Variants in GLTP observed in about 807,000 individuals in gnomAD.
GLTP encodes glycolipid transfer protein.
GLTP carries 22 observed loss-of-function variants against 24.0 expected under a neutral mutation model. The observed-to-expected ratio is 0.92, with a 90% CI of 0.65 to 1.31. The LOEUF (loss-of-function observed/expected upper bound fraction) is 1.31, where lower values mean the gene tolerates loss of function less well. Among genes scored for constraint, GLTP ranks in the 50% most tolerant of loss-of-function variants. The pLI, the probability that GLTP is intolerant of heterozygous loss-of-function variation, is 0.00. For synonymous variants in GLTP, 92 were observed against 115.9 expected, an observed-to-expected ratio of 0.79 and a Z score of 1.33; for missense variants, 224 against 276.6, an observed-to-expected ratio of 0.81 and a Z score of 1.35.
chr12:109,855,826 A>T lies in GLTP; in HGVS notation c.297-57T>A. 7.2e-7 allele frequency: 1 copy of T among 1,394,758 alleles called. No homozygotes were observed. Among genetic ancestry groups the T allele is most frequent in the Non-Finnish European group, 9.5e-7 (1 of 1,048,852 alleles). 86.4% of individuals were successfully genotyped at this position (1,394,758 alleles called of 1,614,324 possible). A position where few individuals can be genotyped will look rare whatever the true frequency, so the allele number is the denominator to read the frequency against. ...ACCCTGCACAGCCCTGTCGTGAAAG[A>T]CCCTGATGGACTCTGAATTTGCCAC... is the stretch of plus-strand genomic sequence containing the variant. On this transcript the variant is annotated intron_variant, in intron 3 of 4. Coordinates refer to ENST00000318348, the MANE Select transcript of GLTP (RefSeq NM_016433.4). This position sits in a 1 kb window ranked among gnomAD's most constrained non-coding sequence, Gnocchi z 4.1.
chr12:109,857,605 T>C lies in GLTP; in HGVS notation c.217A>G (p.Ile73Val). 1.2e-6 allele frequency: 2 copies of C among 1,613,890 alleles called. No homozygotes were observed. The highest frequency in any genetic ancestry group is 2.2e-5 in the South Asian group (2 of 91,074). The part of the protein sequence containing the change: ...NPAKFRTLQN[I>V]LEVEKEMYGA... ...TACATTTCTTTCTCCACCTCCAGGA[T>C]GTTCTGCAGGGTCCGGAACTTGGCT... is the stretch of plus-strand genomic sequence containing the variant. Residue 73 changes from isoleucine to valine, a missense_variant, in exon 3 of 5, where the codon ATC becomes GTC. By Grantham distance (29) the Ile-to-Val change is conservative. Coordinates refer to ENST00000318348, the MANE Select transcript of GLTP (RefSeq NM_016433.4). The surrounding 1 kb of genome is among the most constrained non-coding windows in gnomAD (Gnocchi z 4.3).
Position 109,880,324 on chromosome 12 carries a change from C to T in GLTP, c.51G>A (p.Gln17=). 6.2e-7 allele frequency: 1 copy of T among 1,600,842 alleles called. No homozygotes were observed. The highest frequency in any genetic ancestry group is 8.5e-7 in the Non-Finnish European group (1 of 1,174,762). ...CCTCGAGGAAGGGCCCGGTCTCGAT[C>T]TGCTTGTCCGCGGGCAGCGGCTTCA... ...HLLKPLPADK[Q]IETGPFLEAV... The change falls in exon 1 of 5, where the codon CAG becomes CAA. Residue 17 remains glutamine, a synonymous_variant. Coordinates refer to ENST00000318348, the MANE Select transcript of GLTP (RefSeq NM_016433.4). The surrounding 1 kb of genome is among the most constrained non-coding windows in gnomAD (Gnocchi z 5.1).
intron 1 of GLTP, among the ~76,000 whole-genome samples, chr12:109,877,358 T>A (rs1187787862): frequency 6.6e-6 from 1 of 152,190 alleles, no homozygotes; most frequent in Admixed American, 6.5e-5. Flanking sequence ...TTTGCTCAGT[T>A]TTCCTCCAAT....
chr12:109,860,682 TTATAA>T (rs1892860793), intron 1 of GLTP, among the ~76,000 whole-genome samples: 2 of 152,110 alleles, frequency 1.3e-5, no homozygotes, highest in Admixed American at 6.6e-5. Context: ...TCTTGGTGGG[TTATAA>T]TATGTCGGAG....
At chr12:109,875,069 T>C (rs1337789196) in intron 1 of GLTP, among the ~76,000 whole-genome samples, 1 of 152,072 alleles carries the variant, frequency 6.6e-6, no homozygotes, top group Non-Finnish European at 1.5e-5. Flanking sequence ...GGCCTACTCA[T>C]CTATTTTAAT....
chr12:109,871,816 C>T (rs1241786858), intron 1 of GLTP, among the ~76,000 whole-genome samples: 1 of 152,194 alleles, frequency 6.6e-6, no homozygotes, highest in Non-Finnish European at 1.5e-5. Context: ...TTCCTTTTCA[C>T]GTGGATATAG....
Position 109,855,792 on chromosome 12 carries a change from T to G in GLTP, c.297-23A>C, listed in dbSNP as rs746000396. 1 of 1,561,812 alleles carries G rather than the reference T, an allele frequency of 6.4e-7. No individual in the cohort carries two copies. Among genetic ancestry groups the G allele is most frequent in the Non-Finnish European group, 8.7e-7 (1 of 1,155,258 alleles). The stretch of plus-strand genomic sequence containing the variant: ...CCTCTGTGGCCCAGGGAGGAGAAGG[T>G]TCGTTAGGACCCTGCACAGCCCTGT... On this transcript the variant is annotated intron_variant, in intron 3 of 4. Coordinates refer to ENST00000318348, the MANE Select transcript of GLTP (RefSeq NM_016433.4). The surrounding 1 kb of genome is among the most constrained non-coding windows in gnomAD (Gnocchi z 4.1).
intron 2 of GLTP, 99 bp downstream of exon 2, chr12:109,858,584 G>T: frequency 1.2e-6 from 1 of 851,312 alleles, no homozygotes; most frequent in Non-Finnish European, 2.0e-6. Flanking sequence ...CCTTCCTTGG[G>T]GTGGGAAGCT....
chr12:109,852,934 GAC>G (rs146472994), intron 4 of GLTP, among the ~76,000 whole-genome samples, 197 bp from the exon 5 acceptor site: 12,421 of 152,246 alleles, frequency 0.082, 532 homozygotes, highest in Middle Eastern at 0.13. Flanking sequence ...TTTCGGGACA[GAC>G]AAGCCTAGAT....
chr12:109,855,507 C>T lies in GLTP; in HGVS notation c.447+112G>A, dbSNP rs527953840. The T allele has an allele frequency of 4.2e-6, 4 of 954,112 alleles. No homozygotes were observed. In the South Asian group the frequency reaches 5.7e-5, roughly 14 times the overall value. The allele number at this position is 954,112 out of a possible 1,614,324, so 59.1% of individuals were successfully genotyped here. ...ATAGATGAGGGAGCCCTTCCTGAGC[C>T]CGAGGGGGTAAACACAGCCTCACAG... On this transcript the variant is annotated intron_variant, in intron 4 of 4. Coordinates refer to ENST00000318348, the MANE Select transcript of GLTP (RefSeq NM_016433.4). The surrounding 1 kb of genome is among the most constrained non-coding windows in gnomAD (Gnocchi z 4.1).
At chr12:109,861,362 GC>G (rs1868367808) in intron 1 of GLTP, among the ~76,000 whole-genome samples, 1 of 152,208 alleles carries the variant, frequency 6.6e-6, no homozygotes, top group African/African-American at 2.4e-5. Context: ...CCCCAGCCAA[GC>G]AAGTCTCCTC....
Position 109,865,576 on chromosome 12 carries a change from TGAGA to T in GLTP, c.104-6839_104-6836del, listed in dbSNP as rs1868500244. Among the ~76,000 whole-genome samples the T allele has an allele frequency of 2.0e-5, 3 of 151,176 alleles. No individual in the cohort carries two copies. The South Asian group carries it at 6.3e-4, about 32-fold the overall frequency. The stretch of plus-strand genomic sequence containing the variant: ...CTGGGAGGCGGAGGTTACAGTGAGT[TGAGA>T]TTGCGCGTGAGATTCTGTTTGAAAA... On this transcript the variant is annotated intron_variant, in intron 1 of 4. Coordinates refer to ENST00000318348, the MANE Select transcript of GLTP (RefSeq NM_016433.4).
At chr12:109,862,203 G>T (rs1177898135) in intron 1 of GLTP, among the ~76,000 whole-genome samples, 2 of 152,116 alleles carry the variant, frequency 1.3e-5, no homozygotes, top group African/African-American at 2.4e-5. Context: ...GGGTGCTCTG[G>T]TCTCCCAGAC....
chr12:109,873,627 C>A (rs1267085072), intron 1 of GLTP, among the ~76,000 whole-genome samples: 1 of 129,234 alleles, frequency 7.7e-6, no homozygotes, highest in Non-Finnish European at 1.6e-5. Context: ...GAGCAAGACT[C>A]TGTCTCAAAA....
At chr12:109,868,625 A>C (rs1466205469) in intron 1 of GLTP, among the ~76,000 whole-genome samples, 2 of 152,222 alleles carry the variant, frequency 1.3e-5, no homozygotes, top group Non-Finnish European at 1.5e-5. Flanking sequence ...CCCAATTCAT[A>C]AACAGTCATT....
At chr12:109,873,250 G>C (rs1011167604) in intron 1 of GLTP, among the ~76,000 whole-genome samples, 6 of 151,988 alleles carry the variant, frequency 3.9e-5, no homozygotes, top group Admixed American at 2.6e-4. Flanking sequence ...CTCAGAGGAT[G>C]CTTGTTGCAG....
At chr12:109,870,052 C>A (rs1350596165) in intron 1 of GLTP, among the ~76,000 whole-genome samples, 11 of 152,110 alleles carry the variant, frequency 7.2e-5, no homozygotes, top group Non-Finnish European at 1.6e-4. Context: ...CAAGTTTCCT[C>A]ATTTTTAAAA....
At chr12:109,876,769 T>G (rs1240751910) in intron 1 of GLTP, among the ~76,000 whole-genome samples, 1 of 152,202 alleles carries the variant, frequency 6.6e-6, no homozygotes, top group Admixed American at 6.5e-5. Context: ...CAGGTTATAC[T>G]TATTTGTTTA....
At chr12:109,853,241 T>C (rs77457517) in intron 4 of GLTP, among the ~76,000 whole-genome samples, 5,544 of 152,190 alleles carry the variant, frequency 0.036, 236 homozygotes, top group African/African-American at 0.11. Context: ...CTTTCTGAGT[T>C]GGGGAGACGA....
Sources: allele counts gnomAD v4.1 joint callset (sites outside exome capture counted in the v4.1 genomes callset), GRCh38; gene constraint gnomAD v4.1.1; non-coding constraint Gnocchi (gnomAD v3.1); transcripts MANE v1.5; gene names NCBI Gene and HGNC (gene_info 2026-07-23, HGNC 2026-07-21).